The following CLK3 variants were observed in gnomAD, a reference collection of about 807,000 sequenced individuals.
The protein encoded by CLK3 is dual specificity protein kinase CLK3.
Under a neutral mutation model 65.2 loss-of-function variants are expected in CLK3, and 24 were observed. The ratio of observed to expected loss-of-function variants is 0.37; its 90% CI spans 0.27 to 0.52. The LOEUF (loss-of-function observed/expected upper bound fraction) is 0.52, where lower values mean the gene tolerates loss of function less well. CLK3 is among the 20% of genes least tolerant of loss of function. CLK3 has a pLI of 0.92. For missense variants in CLK3, 506 were observed against 660.0 expected (o/e 0.77, Z 2.56); for synonymous variants, 252 against 240.8 (o/e 1.05, Z -0.43).
At chr15:74,628,831 G>T in intron 11 of CLK3, 111 bp from the exon 12 acceptor site, 1 of 1,010,618 alleles carries the variant, frequency 9.9e-7, no homozygotes, top group South Asian at 1.5e-5. Flanking sequence ...TGCCCCTGCA[G>T]ACCTGTTGCC....
At chr15:74,615,964 C>A in intron 1 of CLK3, 66 bp downstream of exon 1, 2 of 1,151,328 alleles carry the variant, frequency 1.7e-6, no homozygotes, top group Non-Finnish European at 2.2e-6. Flanking sequence ...GTCGGCGGGG[C>A]AGGCGCGCTG....
At position 74,620,016 on chromosome 15, in the gene CLK3, C is replaced by G. The variant is rs757212136; in HGVS notation, c.160C>G (p.Arg54Gly). ...CCATCCCCCTTTTGGCAGCCATGACCGCCTGCCCTACCAGAGGAGGTACCG... is the reference window on the plus strand; with the variant it reads ...CCATCCCCCTTTTGGCAGCCATGACGGCCTGCCCTACCAGAGGAGGTACCG... ...PRRSRSRSHD[R>G]LPYQRRYRER... Residue 54 changes from arginine (R) to glycine (G), a missense_variant, in exon 3 of 13, where the codon CGC becomes GGC. Physicochemically the swap from Arg to Gly is moderately radical, Grantham distance 125. Coordinates refer to ENST00000395066, the MANE Select transcript of CLK3 (RefSeq NM_001130028.2). 23 of 1,614,064 alleles carry G rather than the reference C, an allele frequency of 1.4e-5. No homozygotes were observed. The South Asian group carries it at 2.3e-4, about 16-fold the overall frequency.
rs781392916 is a variant in CLK3 at position 74,629,907 on chromosome 15, A to G, written c.*24A>G. ...GACAGGCACAGGCCACCGCATGAGG[A>G]GATGGAGGGCGGGACTGGGCCGCCC... On this transcript the variant is annotated 3_prime_UTR_variant, in exon 13 of 13. Coordinates refer to ENST00000395066, the MANE Select transcript of CLK3 (RefSeq NM_001130028.2). The G allele has an allele frequency of 2.5e-4, 398 of 1,593,342 alleles. 1 individual carries two copies. Among genetic ancestry groups the G allele is most frequent in the Non-Finnish European group, 3.2e-4 (380 of 1,170,064 alleles).
In CLK3 at chr15:74,621,484, G is replaced by C. The variant is rs933786724; in HGVS notation, c.370-636G>C. 3 of 165,402 alleles carry C rather than the reference G, an allele frequency of 1.8e-5. No homozygotes were observed. Among genetic ancestry groups the C allele is most frequent in the African/African-American group, 7.2e-5 (3 of 41,738 alleles). 10.2% of individuals were successfully genotyped at this position (165,402 alleles called of 1,614,324 possible). On this transcript the variant is annotated intron_variant, in intron 3 of 12. Coordinates refer to ENST00000395066, the MANE Select transcript of CLK3 (RefSeq NM_001130028.2). The surrounding 1 kb of genome is among the most constrained non-coding windows in gnomAD (Gnocchi z 4.8). ...CGGAAGGCTGTTTCTGGTAGTGATG[G>C]TGAAATCTGGCCAAGGATGCCGTCT... is the stretch of plus-strand genomic sequence containing the variant.
rs1409426299 is a variant in CLK3 at position 74,621,334 on chromosome 15, A to G, written c.370-786A>G. 6.3e-6 allele frequency: 1 copy of G among 157,682 alleles called. No homozygotes were observed. The highest frequency in any genetic ancestry group is 2.4e-5 in the African/African-American group (1 of 41,506). 9.8% of individuals were successfully genotyped at this position (157,682 alleles called of 1,614,324 possible). On this transcript the variant is annotated intron_variant, in intron 3 of 12. Transcript: ENST00000395066. The surrounding 1 kb of genome is among the most constrained non-coding windows in gnomAD (Gnocchi z 4.8). ...CTAGATTGTGAGCAGCATGGGTGCC[A>G]AGGCCAGGGCAGGAGCTGGCATGGG...
Position 74,625,787 on chromosome 15 carries a change from A to G in CLK3, c.651-15A>G, listed in dbSNP as rs1567144641. On this transcript the variant is annotated splice_polypyrimidine_tract_variant and intron_variant, in intron 6 of 12. Coordinates refer to ENST00000395066, the MANE Select transcript of CLK3 (RefSeq NM_001130028.2). ...CCAGCACACAGCCTGAGCCCTGCCCATCCTCCTCCTCCAGCCTGTGTGTCT... is the reference window on the plus strand; with the variant it reads ...CCAGCACACAGCCTGAGCCCTGCCCGTCCTCCTCCTCCAGCCTGTGTGTCT... 2.5e-6 allele frequency: 4 copies of G among 1,613,950 alleles called. 1 individual carries two copies. In the South Asian group the frequency reaches 4.4e-5, roughly 18 times the overall value.
At chr15:74,625,673 T>G (rs2062138629) in intron 6 of CLK3, 129 bp from the exon 7 acceptor site, 1 of 897,266 alleles carries the variant, frequency 1.1e-6, no homozygotes, top group African/African-American at 1.6e-5. Flanking sequence ...TCTCTTGCAC[T>G]GTGTGTATCT....
rs1294156667 is a variant in CLK3 at position 74,621,938 on chromosome 15, A to G, written c.370-182A>G. ...TTTGTGTCTTGACGTGTCCCTTGCA[A>G]TATCCCTATCGTTATATATGCTGTG... On this transcript the variant is annotated intron_variant, in intron 3 of 12. Coordinates refer to ENST00000395066, the MANE Select transcript of CLK3 (RefSeq NM_001130028.2). The surrounding 1 kb of genome is among the most constrained non-coding windows in gnomAD (Gnocchi z 4.8). 2.9e-6 allele frequency: 2 copies of G among 678,494 alleles called. No homozygotes were observed. The highest frequency in any genetic ancestry group is 1.5e-5 in the South Asian group (1 of 66,598). 42.0% of individuals were successfully genotyped at this position (678,494 alleles called of 1,614,324 possible). A position where few individuals can be genotyped will look rare whatever the true frequency, so the allele number is the denominator to read the frequency against.
intron 10 of CLK3, 141 bp downstream of exon 10, chr15:74,628,193 T>C: frequency 1.5e-6 from 1 of 674,028 alleles, no homozygotes; most frequent in East Asian, 2.6e-5. Context: ...ATTCAGACCC[T>C]TTAAGGATGT....
In CLK3 at chr15:74,626,032, CTTG is replaced by C. The variant is rs925591831; in HGVS notation, c.817+69_817+71del. ...TGCCTGCAGCCAAGTCATCTGGTTA[CTTG>C]TTGTCCCCATTCATTCCAGCACGTT... On this transcript the variant is annotated intron_variant, in intron 7 of 12. Coordinates refer to ENST00000395066, the MANE Select transcript of CLK3 (RefSeq NM_001130028.2). The C allele has an allele frequency of 9.9e-5, 154 of 1,551,782 alleles. 1 individual carries two copies. Among genetic ancestry groups the C allele is most frequent in the Middle Eastern group, 8.5e-4 (5 of 5,908 alleles).
rs779364907 is a variant in CLK3, at chr15:74,627,362, G to C, written c.828G>C (p.Glu276Asp). ...TCCCTGCTACCTTAGTTCTGCATGA[G>C]AATCAGCTGACCCATACAGACTTGA... ...QLCHALRFLH[E>D]NQLTHTDLKP... is the part of the protein sequence containing the mutation. The change falls in exon 8 of 13, where the codon GAG (glutamate) becomes GAC (aspartate). Residue 276 changes from glutamate to aspartate, a missense_variant. Around this residue, in one of 2 missense-constraint regions of CLK3, gnomAD observed 325 missense variants for 500.5 expected, o/e 0.65. Coordinates refer to ENST00000395066, the MANE Select transcript of CLK3 (RefSeq NM_001130028.2). This position sits in a 1 kb window ranked among gnomAD's most constrained non-coding sequence, Gnocchi z 4.3. The C allele has an allele frequency of 1.2e-6, 2 of 1,613,910 alleles. No individual in the cohort carries two copies. The highest frequency in any genetic ancestry group is 1.7e-6 in the Non-Finnish European group (2 of 1,179,810).
chr15:74,619,938 C>T (rs768967959), intron 2 of CLK3, 71 bp from the exon 3 acceptor site: 1 of 1,605,334 alleles, frequency 6.2e-7, no homozygotes, highest in Admixed American at 1.7e-5. Flanking sequence ...TTACAGTGGC[C>T]TTACCACAGG....
intron 1 of CLK3, 124 bp from the exon 2 acceptor site, chr15:74,619,073 G>C (rs1036402013): frequency 1.5e-5 from 17 of 1,164,144 alleles, no homozygotes; most frequent in Non-Finnish European, 1.5e-5. Context: ...ATAAACCTCT[G>C]GGAGGGGCCG....
Position 74,627,028 on chromosome 15 carries a change from C to A in CLK3, c.818-324C>A. The A allele has an allele frequency of 2.0e-6, 1 of 499,262 alleles. No homozygotes were observed. The highest frequency in any genetic ancestry group is 3.9e-6 in the Non-Finnish European group (1 of 255,964). 30.9% of individuals were successfully genotyped at this position (499,262 alleles called of 1,614,324 possible). Reference sequence around the variant, plus strand: ...TGTAGCTGGTGCAGGGAAGAGGGAACCACCTCGAGGCTGTTGCTGTAGCTC... The same window carrying A: ...TGTAGCTGGTGCAGGGAAGAGGGAAACACCTCGAGGCTGTTGCTGTAGCTC... On this transcript the variant is annotated intron_variant, in intron 7 of 12. Transcript: ENST00000395066. This position sits in a 1 kb window ranked among gnomAD's most constrained non-coding sequence, Gnocchi z 4.3.
intron 2 of CLK3, 52 bp downstream of exon 2, chr15:74,619,400 G>T (rs1272494090): frequency 6.3e-7 from 1 of 1,594,718 alleles, no homozygotes; most frequent in South Asian, 1.1e-5. Context: ...GCTGGGCTCA[G>T]CTGTGGCAGC....
chr15:74,622,417 T>C lies in CLK3; in HGVS notation c.467-77T>C. 3.3e-6 allele frequency: 4 copies of C among 1,214,692 alleles called. No homozygotes were observed. The highest frequency in any genetic ancestry group is 4.7e-6 in the Non-Finnish European group (4 of 844,832). 75.2% of individuals were successfully genotyped at this position (1,214,692 alleles called of 1,614,324 possible). ...AGAAACCTTTTTTGTTTTTGAGAAT[T>C]TGAATGCTGTGAACTTGCAGGAGCT... On this transcript the variant is annotated intron_variant, in intron 4 of 12. Coordinates refer to ENST00000395066, the MANE Select transcript of CLK3 (RefSeq NM_001130028.2). This position sits in a 1 kb window ranked among gnomAD's most constrained non-coding sequence, Gnocchi z 4.6.
upstream of CLK3, among the ~76,000 whole-genome samples, chr15:74,611,403 G>A (rs955725911): frequency 6.6e-6 from 1 of 152,214 alleles, no homozygotes; most frequent in Non-Finnish European, 1.5e-5. Context: ...GGGAGGACAG[G>A]GCCTCACTTT....
upstream of CLK3, among the ~76,000 whole-genome samples, chr15:74,613,897 G>T (rs561613939): frequency 2.0e-5 from 3 of 152,120 alleles, no homozygotes; most frequent in African/African-American, 7.2e-5. Context: ...TGGGTACCAG[G>T]CAGGAATGGC....
intron 10 of CLK3, among the ~76,000 whole-genome samples, 194 bp downstream of exon 10, chr15:74,628,246 C>CA (rs1300871535): frequency 3.3e-5 from 5 of 152,172 alleles, no homozygotes; most frequent in Non-Finnish European, 7.4e-5. Flanking sequence ...CTGGAACACT[C>CA]AGAGGAGTCT....
Sources: allele counts gnomAD v4.1 joint callset (sites outside exome capture counted in the v4.1 genomes callset), GRCh38; gene constraint gnomAD v4.1.1; regional missense constraint gnomAD v4.1.1; non-coding constraint Gnocchi (gnomAD v3.1); transcripts MANE v1.5; gene names NCBI Gene and HGNC (gene_info 2026-07-23, HGNC 2026-07-21).